Variants in FER observed in about 807,000 individuals in gnomAD.
FER encodes FER tyrosine kinase.
Under a neutral mutation model 111.0 loss-of-function variants are expected in FER, and 63 were observed. That is an observed-to-expected ratio of 0.57 (90% CI 0.46 to 0.70). FER has a LOEUF of 0.70. Among genes scored for constraint, FER ranks in the 30% least tolerant of loss-of-function variants. The probability of loss-of-function intolerance (pLI) is 0.00; values close to 1 mark genes in which losing one functional copy is unlikely to be tolerated. For synonymous variants in FER, 327 were observed against 313.9 expected, an observed-to-expected ratio of 1.04 and a Z score of -0.44; for missense variants, 914 against 954.0, an observed-to-expected ratio of 0.96 and a Z score of 0.55.
chr5:109,186,268 G>A lies in FER; in HGVS notation c.2272G>A (p.Val758Ile), dbSNP rs774493581. The change falls in exon 19 of 20, where the codon GTT (valine) becomes ATT (isoleucine). Residue 758 changes from valine to isoleucine, a missense_variant. By Grantham distance (29) the Val-to-Ile change is conservative. Around this residue, in one of 3 missense-constraint regions of FER, gnomAD observed 134 missense variants for 149.4 expected, o/e 0.90. Transcript: ENST00000281092. The stretch of plus-strand genomic sequence containing the variant: ...TCTCTGGGAGACCTTCAGCTTAGGG[G>A]TTTGTCCGTACCCTGGAATGACAAA... The part of the protein sequence containing the change: ...ILLWETFSLG[V>I]CPYPGMTNQQ... 8 of 1,614,102 alleles carry A rather than the reference G, an allele frequency of 5.0e-6. No individual in the cohort carries two copies. The South Asian group carries it at 8.8e-5, about 18-fold the overall frequency.
At chr5:108,878,196 C>A (rs1765292041) in intron 8 of FER, among the ~76,000 whole-genome samples, 1 of 152,142 alleles carries the variant, frequency 6.6e-6, no homozygotes, top group African/African-American at 2.4e-5. Context: ...CGGGAGCCAA[C>A]ATGCTGGGCT....
intron 3 of FER, chr5:108,820,613 A>C (rs1455258693): frequency 2.2e-6 from 2 of 894,452 alleles, no homozygotes; most frequent in Non-Finnish European, 2.7e-6. Flanking sequence ...ATATCCCGGT[A>C]GTCATGTGGT....
intron 17 of FER, among the ~76,000 whole-genome samples, chr5:109,139,564 A>G (rs1333092350): frequency 2.0e-5 from 3 of 152,080 alleles, no homozygotes; most frequent in African/African-American, 4.8e-5. Context: ...TAGTTTGACT[A>G]TGACTTCATT....
intron 13 of FER, among the ~76,000 whole-genome samples, chr5:109,022,741 T>G (rs889665035): frequency 3.9e-5 from 6 of 152,044 alleles, no homozygotes; most frequent in African/African-American, 1.4e-4. Context: ...ACAAATAAGT[T>G]TTAACTGGAG....
chr5:108,777,175 T>C (rs1268426650), intron 2 of FER, among the ~76,000 whole-genome samples: 1 of 152,244 alleles, frequency 6.6e-6, no homozygotes, highest in African/African-American at 2.4e-5. Context: ...TTTATAGTTA[T>C]AAATTGTACT....
intron 16 of FER, among the ~76,000 whole-genome samples, chr5:109,095,670 G>A (rs1292735435): frequency 1.3e-5 from 2 of 152,002 alleles, no homozygotes; most frequent in Admixed American, 6.6e-5. Context: ...TTGTCATATC[G>A]ATTTTTCCCC....
At chr5:109,106,283 C>T (rs754666066) in intron 17 of FER, among the ~76,000 whole-genome samples, 2 of 152,186 alleles carry the variant, frequency 1.3e-5, no homozygotes, top group African/African-American at 2.4e-5. Flanking sequence ...ATGTTTTTAT[C>T]ATTTAATGAA....
intron 5 of FER, among the ~76,000 whole-genome samples, chr5:108,838,514 G>A (rs1157845398): frequency 6.6e-6 from 1 of 152,132 alleles, no homozygotes; most frequent in South Asian, 2.1e-4. Flanking sequence ...GGACTCAAGG[G>A]TTCAGTTCCT....
chr5:109,165,389 G>A (rs1451176446), intron 17 of FER, among the ~76,000 whole-genome samples: 1 of 152,148 alleles, frequency 6.6e-6, no homozygotes, highest in Non-Finnish European at 1.5e-5. Flanking sequence ...AGTGGTAGTA[G>A]TAGAATCCTC....
rs552131903 is a variant in FER, at chr5:109,000,855, A to G, written c.1657-36567A>G. Among the ~76,000 whole-genome samples, 172 of 152,346 alleles carry G rather than the reference A, an allele frequency of 1.1e-3. 1 individual carries two copies. The highest frequency in any genetic ancestry group is 4.1e-3 in the African/African-American group (169 of 41,588). On this transcript the variant is annotated intron_variant, in intron 13 of 19. Coordinates refer to ENST00000281092, the MANE Select transcript of FER (RefSeq NM_005246.4). ...CTGTCCCACAGAAATACAAACTACC[A>G]TCATAGAATACTATAAACACCTCTA...
At chr5:108,918,716 T>A (rs1752610489) in intron 10 of FER, among the ~76,000 whole-genome samples, 1 of 151,894 alleles carries the variant, frequency 6.6e-6, no homozygotes. Context: ...CTCGATCTCC[T>A]GACCTCATGA....
chr5:108,859,096 C>G (rs998483474), intron 5 of FER, among the ~76,000 whole-genome samples: 10 of 152,076 alleles, frequency 6.6e-5, no homozygotes, highest in African/African-American at 1.9e-4. Context: ...AAGGATTATA[C>G]CAATTTGCAT....
Position 109,037,489 on chromosome 5 carries a change from A to C in FER, c.1713+11A>C. The C allele has an allele frequency of 1.9e-6, 3 of 1,607,564 alleles. No homozygotes were observed. The highest frequency in any genetic ancestry group is 2.6e-6 in the Non-Finnish European group (3 of 1,174,826). On this transcript the variant is annotated intron_variant, in intron 14 of 19. Coordinates refer to ENST00000281092, the MANE Select transcript of FER (RefSeq NM_005246.4). The stretch of plus-strand genomic sequence containing the variant: ...GAATTACTGGGCAAGGTATGTAATC[A>C]ACTGAGCTAAATAACCAGAAGTCTC...
intron 10 of FER, among the ~76,000 whole-genome samples, chr5:108,899,449 T>G (rs1749674685): frequency 6.6e-6 from 1 of 152,286 alleles, no homozygotes; most frequent in East Asian, 1.9e-4. Flanking sequence ...AAATCTTTTG[T>G]TCACTGAGTG....
intron 13 of FER, among the ~76,000 whole-genome samples, chr5:109,027,855 A>T (rs1309582248): frequency 1.3e-5 from 2 of 152,186 alleles, no homozygotes; most frequent in East Asian, 1.9e-4. Flanking sequence ...AGGTTTTAGC[A>T]TTTTAAAACT....
chr5:108,873,687 C>T (rs1325560103), intron 8 of FER, among the ~76,000 whole-genome samples: 1 of 152,106 alleles, frequency 6.6e-6, no homozygotes, highest in Non-Finnish European at 1.5e-5. Context: ...AGGTTTCTGA[C>T]CATTGATATT....
chr5:108,895,665 T>A (rs1748979125), intron 9 of FER, among the ~76,000 whole-genome samples: 1 of 152,142 alleles, frequency 6.6e-6, no homozygotes, highest in Admixed American at 6.6e-5. Context: ...TAATCGGACA[T>A]CTCAACATCC....
intron 13 of FER, among the ~76,000 whole-genome samples, chr5:108,998,087 T>A (rs1332026829): frequency 1.3e-5 from 2 of 150,928 alleles, no homozygotes; most frequent in Admixed American, 6.7e-5. Flanking sequence ...GTGTGGGACC[T>A]GCCGTACCAG....
intron 3 of FER, among the ~76,000 whole-genome samples, chr5:108,823,412 G>A (rs1759107575): frequency 6.6e-6 from 1 of 152,078 alleles, no homozygotes; most frequent in Admixed American, 6.5e-5. Context: ...AGTGTATAGT[G>A]CTCCTTTTCT....
Sources: gnomAD v4.1 joint callset for allele counts (sites outside exome capture counted in the v4.1 genomes callset) on GRCh38, gnomAD v4.1.1 for gene constraint, gnomAD v4.1.1 regional missense constraint, MANE v1.5 for transcripts, NCBI Gene and HGNC (gene_info 2026-07-23, HGNC 2026-07-21) for gene names.